RASA3: variants seen among roughly 807,000 people sequenced by gnomAD.
RASA3 encodes RAS p21 protein activator 3.
A neutral mutation model predicts 110.0 loss-of-function variants in RASA3; 73 were observed. The ratio of observed to expected loss-of-function variants is 0.66; its 90% CI spans 0.55 to 0.81. The LOEUF (loss-of-function observed/expected upper bound fraction) is 0.81, where lower values mean the gene tolerates loss of function less well. Ranked by LOEUF, RASA3 falls within the 30% of genes least tolerant of loss-of-function variation. The probability of loss-of-function intolerance (pLI) is 0.00; values close to 1 mark genes in which losing one functional copy is unlikely to be tolerated. For missense variants in RASA3, 976 were observed against 1,113.2 expected (o/e 0.88, Z 1.75); for synonymous variants, 500 against 451.4 (o/e 1.11, Z -1.37).
chr13:114,000,744 G>C, intron 19 of RASA3, 82 bp downstream of exon 19: 3 of 1,057,274 alleles, frequency 2.8e-6, no homozygotes, highest in Non-Finnish European at 4.4e-6. Flanking sequence ...CCTCCCCTCA[G>C]CTCTCCCCCT....
intron 19 of RASA3, among the ~76,000 whole-genome samples, 158 bp downstream of exon 19, chr13:114,000,668 G>A (rs772596320): frequency 1.3e-5 from 2 of 152,190 alleles, no homozygotes; most frequent in African/African-American, 2.4e-5. Flanking sequence ...TCTTTGAAGG[G>A]AGAACCAGAA....
intron 18 of RASA3, among the ~76,000 whole-genome samples, chr13:114,004,325 G>C (rs1030730126): frequency 6.6e-6 from 1 of 151,206 alleles, no homozygotes; most frequent in Non-Finnish European, 1.5e-5. Context: ...AGATCCAACA[G>C]GGGACTAACA....
At chr13:114,015,368 G>C (rs755587534) in intron 13 of RASA3, 36 bp from the exon 14 acceptor site, 1 of 1,609,502 alleles carries the variant, frequency 6.2e-7, no homozygotes, top group Admixed American at 1.7e-5. Flanking sequence ...CCACTCCCGA[G>C]GCTGCCCACA....
At chr13:114,110,210 C>T (rs953252269) in intron 1 of RASA3, among the ~76,000 whole-genome samples, 2 of 152,224 alleles carry the variant, frequency 1.3e-5, no homozygotes. Flanking sequence ...CAGAATTCAG[C>T]AGTCCCCAGG....
rs149474447 is a variant in RASA3, at chr13:114,023,855, C to G, written c.680+424G>C. 6.0e-3 allele frequency among the ~76,000 whole-genome samples: 911 copies of G among 152,380 alleles called. 2 individuals are homozygous for G. Among genetic ancestry groups the G allele is most frequent in the African/African-American group, 0.018 (731 of 41,592 alleles). ...CGAGTCAAAGGGGACAGGGTCTCCA[C>G]AGAGGCCACCCAGCCGAGAGTTTCA... On this transcript the variant is annotated intron_variant, in intron 8 of 23. Coordinates refer to ENST00000334062, the MANE Select transcript of RASA3 (RefSeq NM_007368.4).
At position 113,979,409 on chromosome 13, in the gene RASA3, C is replaced by T. The variant is rs148918325; in HGVS notation, c.2443G>A (p.Gly815Arg). ...ATGTAGTTCTGGAAGCTCTTGTCTCCGATGGGGTGCTCCCTGAAAAGGGGG... is the reference window on the plus strand; with the variant it reads ...ATGTAGTTCTGGAAGCTCTTGTCTCTGATGGGGTGCTCCCTGAAAAGGGGG... ...TKYGSQEHPI[G>R]DKSFQNYIRQ... The change falls in exon 24 of 24, where the codon GGA becomes AGA. Residue 815 changes from glycine (G) to arginine (R), a missense_variant. Around this residue, in one of 4 missense-constraint regions of RASA3, gnomAD observed 132 missense variants for 152.8 expected, o/e 0.86. Coordinates refer to ENST00000334062, the MANE Select transcript of RASA3 (RefSeq NM_007368.4). 413 of 1,601,410 alleles carry T rather than the reference C, an allele frequency of 2.6e-4. No homozygotes were observed. Among genetic ancestry groups the T allele is most frequent in the Non-Finnish European group, 2.9e-4 (343 of 1,168,804 alleles).
rs558153656 is a variant in RASA3, at chr13:114,045,508, T to G, written c.278-4414A>C. 1.1e-4 allele frequency among the ~76,000 whole-genome samples: 16 copies of G among 152,200 alleles called. No homozygotes were observed. The South Asian group carries it at 1.5e-3, about 14-fold the overall frequency. ...AGCAAGAGCTGCCCGAGACAGGGAA[T>G]GCGGCTGAAATGCGCGCGCCTCCCT... On this transcript the variant is annotated intron_variant, in intron 3 of 23. Coordinates refer to ENST00000334062, the MANE Select transcript of RASA3 (RefSeq NM_007368.4).
intron 9 of RASA3, among the ~76,000 whole-genome samples, chr13:114,020,315 T>A (rs2053899167): frequency 6.6e-6 from 1 of 151,264 alleles, no homozygotes. Flanking sequence ...CCGCCCCCCA[T>A]CGCCCCAGGT....
intron 1 of RASA3, among the ~76,000 whole-genome samples, chr13:114,111,095 G>T (rs1324504898): frequency 6.6e-5 from 5 of 76,328 alleles, no homozygotes; most frequent in Non-Finnish European, 1.4e-4. Flanking sequence ...GAGTTCTAAC[G>T]GGCTGAGCCA....
chr13:114,049,691 C>T (rs1361816014), intron 3 of RASA3, among the ~76,000 whole-genome samples: 1 of 152,234 alleles, frequency 6.6e-6, no homozygotes, highest in Non-Finnish European at 1.5e-5. Context: ...CTGAGCCCCG[C>T]CAGATACACC....
chr13:114,015,436 G>C (rs1391808838), intron 13 of RASA3, 104 bp from the exon 14 acceptor site: 1 of 1,444,898 alleles, frequency 6.9e-7, no homozygotes, highest in African/African-American at 1.4e-5. Flanking sequence ...GGCTGAGGGC[G>C]GGCGCAGGGC....
At chr13:114,122,508 T>G (rs1260257183) in intron 1 of RASA3, among the ~76,000 whole-genome samples, 1 of 152,128 alleles carries the variant, frequency 6.6e-6, no homozygotes, top group East Asian at 1.9e-4. Flanking sequence ...AGGCTCAGGG[T>G]GCTTGGGGCC....
chr13:114,087,956 C>T (rs1223522918), intron 1 of RASA3, among the ~76,000 whole-genome samples: 1 of 152,194 alleles, frequency 6.6e-6, no homozygotes, highest in African/African-American at 2.4e-5. Context: ...ATAGCGAAAC[C>T]TCATCTCTAC....
chr13:114,010,522 C>A (rs2053607571), intron 16 of RASA3, among the ~76,000 whole-genome samples: 1 of 150,996 alleles, frequency 6.6e-6, no homozygotes. Context: ...CAGATCCAGT[C>A]TGAAGGGACG....
At chr13:113,982,006 C>A in intron 22 of RASA3, 148 bp from the exon 23 acceptor site, 1 of 698,320 alleles carries the variant, frequency 1.4e-6, no homozygotes, top group Non-Finnish European at 2.3e-6. Context: ...CTCGTAAACG[C>A]AGACGGAGAT....
intron 1 of RASA3, among the ~76,000 whole-genome samples, chr13:114,116,921 T>G (rs1303073334): frequency 4.6e-3 from 239 of 52,290 alleles, no homozygotes; most frequent in Non-Finnish European, 7.1e-3. Flanking sequence ...GTGTGAGGGG[T>G]GAGCACGTGT....
chr13:114,040,740 C>T (rs1366607093), intron 4 of RASA3, among the ~76,000 whole-genome samples: 5 of 148,550 alleles, frequency 3.4e-5, no homozygotes, highest in Non-Finnish European at 5.9e-5. Context: ...CACAAGCGGG[C>T]GAACATGCAC....
intron 3 of RASA3, 45 bp from the exon 4 acceptor site, chr13:114,041,139 G>A: frequency 1.3e-6 from 2 of 1,535,940 alleles, no homozygotes; most frequent in African/African-American, 1.4e-5. Context: ...ACAGGCCCCA[G>A]AGCCAGGACG....
chr13:114,052,258 G>A (rs1324057052), intron 2 of RASA3, 103 bp from the exon 3 acceptor site: 3 of 729,998 alleles, frequency 4.1e-6, no homozygotes, highest in Non-Finnish European at 7.1e-6. Flanking sequence ...CCATAAGAAT[G>A]CCCTGCACTG....
Sources: allele counts gnomAD v4.1 joint callset (sites outside exome capture counted in the v4.1 genomes callset), GRCh38; gene constraint gnomAD v4.1.1; regional missense constraint gnomAD v4.1.1; transcripts MANE v1.5; gene names NCBI Gene and HGNC (gene_info 2026-07-23, HGNC 2026-07-21).